The following FAM149B1 variants were observed in gnomAD, a reference collection of about 807,000 sequenced individuals.
FAM149B1 encodes family with sequence similarity 149 member B1.
FAM149B1 carries 56 observed loss-of-function variants against 75.3 expected under a neutral mutation model. That is an observed-to-expected ratio of 0.74 (90% CI 0.60 to 0.93). FAM149B1 has a LOEUF of 0.93. Among genes scored for constraint, FAM149B1 ranks in the 40% least tolerant of loss-of-function variants. The probability of loss-of-function intolerance (pLI) is 0.00; values close to 1 mark genes in which losing one functional copy is unlikely to be tolerated. For missense variants in FAM149B1, 639 were observed against 708.4 expected (o/e 0.90, Z 1.11); for synonymous variants, 259 against 256.1 (o/e 1.01, Z -0.11).
rs530523263 is a variant in FAM149B1, at chr10:73,193,601, T to C, written c.542+8T>C. On this transcript the variant is annotated splice_region_variant and intron_variant, in intron 5 of 13. Transcript: ENST00000242505. The stretch of plus-strand genomic sequence containing the variant: ...AGAAAGAGATTCTACTATGTGAGTA[T>C]TCCATTATGTAAGTACTTCAATGTG... The C allele has an allele frequency of 3.9e-5, 61 of 1,549,842 alleles. No individual in the cohort carries two copies. The African/African-American group carries it at 7.8e-4, about 20-fold the overall frequency.
At chr10:73,189,005 G>A (rs1407936577) in intron 3 of FAM149B1, among the ~76,000 whole-genome samples, 1 of 151,904 alleles carries the variant, frequency 6.6e-6, no homozygotes, top group Non-Finnish European at 1.5e-5. Flanking sequence ...ACCAGCCTAA[G>A]CAACAAAGTG....
chr10:73,168,240 C>T lies in FAM149B1; in HGVS notation c.-100C>T. Reference sequence around the variant, plus strand: ...GGGGCCGGTAGGTGGCGGGAGGGGCCGGGCCGGAGCCGGCGGGAGGGCCAG... The same window carrying T: ...GGGGCCGGTAGGTGGCGGGAGGGGCTGGGCCGGAGCCGGCGGGAGGGCCAG... On this transcript the variant is annotated 5_prime_UTR_variant, in exon 1 of 14. Coordinates refer to ENST00000242505, the MANE Select transcript of FAM149B1 (RefSeq NM_173348.2). 1 of 1,341,078 alleles carries T rather than the reference C, an allele frequency of 7.5e-7. No individual in the cohort carries two copies. The highest frequency in any genetic ancestry group is 1.0e-6 in the Non-Finnish European group (1 of 987,354). 83.1% of individuals were successfully genotyped at this position (1,341,078 alleles called of 1,614,324 possible).
intron 3 of FAM149B1, among the ~76,000 whole-genome samples, chr10:73,181,480 A>G (rs1364774881): frequency 6.6e-6 from 1 of 152,162 alleles, no homozygotes; most frequent in Non-Finnish European, 1.5e-5. Context: ...GAAATTTTTC[A>G]GTCTCCTTAA....
intron 12 of FAM149B1, 134 bp from the exon 13 acceptor site, chr10:73,239,178 G>A: frequency 3.0e-6 from 2 of 663,236 alleles, no homozygotes; most frequent in South Asian, 2.0e-5. Context: ...AGTGCACTCA[G>A]CTGACTTTTC....
chr10:73,171,667 C>G (rs1227945795), intron 1 of FAM149B1, among the ~76,000 whole-genome samples: 1 of 147,214 alleles, frequency 6.8e-6, no homozygotes, highest in African/African-American at 2.5e-5. Context: ...CTCACTCTGT[C>G]GCCCAGGCTG....
rs1383818102 is a variant in FAM149B1 at position 73,174,663 on chromosome 10, A to AT, written c.48-23dup. Reference sequence around the variant, plus strand: ...GTATGTATTTTTTTATACAGGAAATATAACTTTGTTTTGTCTTTCACAGGA... The same window carrying AT: ...GTATGTATTTTTTTATACAGGAAATATTAACTTTGTTTTGTCTTTCACAGGA... On this transcript the variant is annotated intron_variant, in intron 1 of 13. Transcript: ENST00000242505. 1.5e-5 allele frequency: 22 copies of AT among 1,464,752 alleles called. No individual in the cohort carries two copies. The African/African-American group carries it at 1.7e-4, about 11-fold the overall frequency. The allele number at this position is 1,464,752 out of a possible 1,614,324, so 90.7% of individuals were successfully genotyped here. A position where few individuals can be genotyped will look rare whatever the true frequency, so the allele number is the denominator to read the frequency against.
At chr10:73,235,409 A>G in intron 12 of FAM149B1, 91 bp downstream of exon 12, 1 of 1,524,454 alleles carries the variant, frequency 6.6e-7, no homozygotes. Flanking sequence ...GATTTTATCT[A>G]GAGGCTTAAC....
intron 12 of FAM149B1, chr10:73,238,806 A>G (rs1017308523): frequency 4.6e-5 from 7 of 152,360 alleles, no homozygotes; most frequent in African/African-American, 1.7e-4. Context: ...GCATTTTAAT[A>G]TTGTAGTCGT....
intron 7 of FAM149B1, among the ~76,000 whole-genome samples, chr10:73,227,254 AT>A (rs2043573476): frequency 6.6e-6 from 1 of 151,590 alleles, no homozygotes; most frequent in Non-Finnish European, 1.5e-5. Context: ...TGCCCAGCTA[AT>A]TTTAATTTTT....
At chr10:73,212,012 T>C (rs988212132) in intron 7 of FAM149B1, among the ~76,000 whole-genome samples, 5 of 152,216 alleles carry the variant, frequency 3.3e-5, no homozygotes, top group East Asian at 1.9e-4. Context: ...TGTGAACCCA[T>C]TGTTTAGCTT....
chr10:73,220,391 C>A (rs2043383385), intron 7 of FAM149B1, among the ~76,000 whole-genome samples: 1 of 151,992 alleles, frequency 6.6e-6, no homozygotes, highest in Non-Finnish European at 1.5e-5. Context: ...ACAAAATTGT[C>A]AAAAGACCAA....
intron 10 of FAM149B1, chr10:73,234,246 C>CT (rs1190797133): frequency 6.5e-6 from 1 of 154,116 alleles, no homozygotes; most frequent in African/African-American, 2.4e-5. Flanking sequence ...GATGAGTAGT[C>CT]TTGATGTATA....
At chr10:73,178,054 C>A in intron 3 of FAM149B1, 79 bp downstream of exon 3, 1 of 1,319,354 alleles carries the variant, frequency 7.6e-7, no homozygotes, top group South Asian at 1.5e-5. Flanking sequence ...TATTTCATTC[C>A]TTCACTCTCC....
chr10:73,225,588 A>G (rs1487609583), intron 7 of FAM149B1, among the ~76,000 whole-genome samples: 1 of 152,248 alleles, frequency 6.6e-6, no homozygotes, highest in African/African-American at 2.4e-5. Context: ...TTATAAAGTC[A>G]AAAAGTATAA....
chr10:73,202,417 G>A lies in FAM149B1; in HGVS notation c.543-6202G>A, dbSNP rs72812282. Among the ~76,000 whole-genome samples, 489 of 151,566 alleles carry A rather than the reference G, an allele frequency of 3.2e-3. 1 individual carries two copies. The highest frequency in any genetic ancestry group is 0.011 in the African/African-American group (464 of 41,340). ...TGGAATAATACGATAGCAGAATAACGTAATGGAATGTTGGGTATACATTCC... is the reference window on the plus strand; with the variant it reads ...TGGAATAATACGATAGCAGAATAACATAATGGAATGTTGGGTATACATTCC... On this transcript the variant is annotated intron_variant, in intron 5 of 13. Transcript: ENST00000242505.
intron 9 of FAM149B1, 80 bp downstream of exon 9, chr10:73,230,605 G>A: frequency 2.5e-6 from 2 of 792,396 alleles, no homozygotes; most frequent in Admixed American, 2.1e-5. Context: ...CAGTATGCAT[G>A]TATTGAGTGC....
At chr10:73,173,690 C>T (rs535337024) in intron 1 of FAM149B1, among the ~76,000 whole-genome samples, 1 of 152,272 alleles carries the variant, frequency 6.6e-6, no homozygotes, top group Admixed American at 6.5e-5. Flanking sequence ...GAAGCCTTAC[C>T]AATAACATAG....
chr10:73,221,304 T>C (rs1307245854), intron 7 of FAM149B1, among the ~76,000 whole-genome samples: 1 of 152,196 alleles, frequency 6.6e-6, no homozygotes, highest in Non-Finnish European at 1.5e-5. Context: ...TTTTTAAAAT[T>C]CTTTCAGCCT....
intron 13 of FAM149B1, among the ~76,000 whole-genome samples, chr10:73,240,471 C>T (rs189210260): frequency 3.9e-5 from 6 of 152,070 alleles, no homozygotes; most frequent in Non-Finnish European, 7.4e-5. Flanking sequence ...CCAGCACTTT[C>T]GGAGGCCAAG....
Sources: allele counts gnomAD v4.1 joint callset (sites outside exome capture counted in the v4.1 genomes callset), GRCh38; gene constraint gnomAD v4.1.1; transcripts MANE v1.5; gene names NCBI Gene and HGNC (gene_info 2026-07-23, HGNC 2026-07-21).